EGR3: variants seen among roughly 807,000 people sequenced by gnomAD.
EGR3 encodes the protein early growth response protein 3.
EGR3 carries 4 observed loss-of-function variants against 22.4 expected under a neutral mutation model. That is an observed-to-expected ratio of 0.18 (90% CI 0.09 to 0.41). The LOEUF is 0.41. EGR3 is among the 10% of genes least tolerant of loss of function. EGR3 has a pLI of 1.00. For synonymous variants in EGR3, 219 were observed against 226.8 expected (o/e 0.97, Z 0.31); for missense variants, 315 against 541.3 (o/e 0.58, Z 4.15).
In EGR3 at chr8:22,689,202, C is replaced by G. The variant is rs998667489; in HGVS notation, c.*1271G>C. 2.0e-5 allele frequency: 3 copies of G among 152,502 alleles called. No homozygotes were observed. The highest frequency in any genetic ancestry group is 7.2e-5 in the African/African-American group (3 of 41,428). 9.4% of individuals were successfully genotyped at this position (152,502 alleles called of 1,614,324 possible). A position where few individuals can be genotyped will look rare whatever the true frequency, so the allele number is the denominator to read the frequency against. On this transcript the variant is annotated 3_prime_UTR_variant, in exon 2 of 2. Transcript: ENST00000317216. ...ATTCCGGTGCACTGCACTGGATAAC[C>G]AAGTACCTTAGAGATTTTATTTTGC...
chr8:22,691,760 G>A, intron 1 of EGR3: 1 of 985,374 alleles, frequency 1.0e-6, no homozygotes, highest in South Asian at 4.7e-5. Context: ...ACACGCGCGC[G>A]CGCGCGAGAA....
chr8:22,692,054 T>G lies in EGR3; in HGVS notation c.155-572A>C. ...TTCACCTACCCCGGCCCCAGCCTCC[T>G]CGGGCATGAAGGAGCTTTAGGCTCT... On this transcript the variant is annotated intron_variant, in intron 1 of 1. Coordinates refer to ENST00000317216, the MANE Select transcript of EGR3 (RefSeq NM_004430.3). This position sits in a 1 kb window ranked among gnomAD's most constrained non-coding sequence, Gnocchi z 6.2. 2.3e-6 allele frequency: 3 copies of G among 1,316,964 alleles called. No homozygotes were observed. Among genetic ancestry groups the G allele is most frequent in the South Asian group, 2.1e-5 (1 of 47,576 alleles). 81.6% of individuals were successfully genotyped at this position (1,316,964 alleles called of 1,614,324 possible).
At position 22,690,382 on chromosome 8, in the gene EGR3, C is replaced by G; in HGVS notation, c.*91G>C. The G allele has an allele frequency of 8.9e-7, 1 of 1,128,156 alleles. No individual in the cohort carries two copies. Among genetic ancestry groups the G allele is most frequent in the Non-Finnish European group, 1.2e-6 (1 of 804,968 alleles). The allele number at this position is 1,128,156 out of a possible 1,614,324, so 69.9% of individuals were successfully genotyped here. A position where few individuals can be genotyped will look rare whatever the true frequency, so the allele number is the denominator to read the frequency against. ...TCCATGGAGAGGCCAGGGCGCGGCC[C>G]CTACGCCTCCGTGGCTGGCTTTCCC... On this transcript the variant is annotated 3_prime_UTR_variant, in exon 2 of 2. Coordinates refer to ENST00000317216, the MANE Select transcript of EGR3 (RefSeq NM_004430.3).
At position 22,692,676 on chromosome 8, in the gene EGR3, CCCATCCATCCATCCATCCAT is replaced by C. The variant is rs770711526; in HGVS notation, c.154+95_154+114del. On this transcript the variant is annotated intron_variant, in intron 1 of 1. Coordinates refer to ENST00000317216, the MANE Select transcript of EGR3 (RefSeq NM_004430.3). The surrounding 1 kb of genome is among the most constrained non-coding windows in gnomAD (Gnocchi z 6.2). The stretch of plus-strand genomic sequence containing the variant: ...ATCCATTTATCTATCCACCCATCCA[CCCATCCATCCATCCATCCAT>C]CCATCCATCCATCCATCCATCACCA... 3.7e-5 allele frequency: 51 copies of C among 1,373,378 alleles called. No homozygotes were observed. Among genetic ancestry groups the C allele is most frequent in the South Asian group, 5.4e-5 (4 of 74,112 alleles). 85.1% of individuals were successfully genotyped at this position (1,373,378 alleles called of 1,614,324 possible). A position where few individuals can be genotyped will look rare whatever the true frequency, so the allele number is the denominator to read the frequency against.
chr8:22,692,689 C>A lies in EGR3; in HGVS notation c.154+102G>T, dbSNP rs1453909367. 2.1e-6 allele frequency: 3 copies of A among 1,457,540 alleles called. No individual in the cohort carries two copies. Among genetic ancestry groups the A allele is most frequent in the African/African-American group, 1.4e-5 (1 of 71,776 alleles). 90.3% of individuals were successfully genotyped at this position (1,457,540 alleles called of 1,614,324 possible). A position where few individuals can be genotyped will look rare whatever the true frequency, so the allele number is the denominator to read the frequency against. ...TCCACCCATCCACCCATCCATCCATCCATCCATCCATCCATCCATCCATCC... is the reference window on the plus strand; with the variant it reads ...TCCACCCATCCACCCATCCATCCATACATCCATCCATCCATCCATCCATCC... On this transcript the variant is annotated intron_variant, in intron 1 of 1. Coordinates refer to ENST00000317216, the MANE Select transcript of EGR3 (RefSeq NM_004430.3). This position sits in a 1 kb window ranked among gnomAD's most constrained non-coding sequence, Gnocchi z 6.2.
Position 22,692,586 on chromosome 8 carries a change from C to A in EGR3, c.154+205G>T. On this transcript the variant is annotated intron_variant, in intron 1 of 1. Coordinates refer to ENST00000317216, the MANE Select transcript of EGR3 (RefSeq NM_004430.3). This position sits in a 1 kb window ranked among gnomAD's most constrained non-coding sequence, Gnocchi z 6.2. ...ACCTAGCCTTCTCGATCGAGGAGGG[C>A]GGGAGGAGTGGGTGGGAAAAGCAAC... The A allele has an allele frequency of 9.6e-7, 1 of 1,042,362 alleles. No individual in the cohort carries two copies. The highest frequency in any genetic ancestry group is 1.3e-6 in the Non-Finnish European group (1 of 786,098). The allele number at this position is 1,042,362 out of a possible 1,614,324, so 64.6% of individuals were successfully genotyped here. A position where few individuals can be genotyped will look rare whatever the true frequency, so the allele number is the denominator to read the frequency against.
rs1391358555 is a variant in EGR3, at chr8:22,690,819, C to A, written c.818G>T (p.Arg273Leu). The A allele has an allele frequency of 6.2e-7, 1 of 1,611,452 alleles. No individual in the cohort carries two copies. Among genetic ancestry groups the A allele is most frequent in the Non-Finnish European group, 8.5e-7 (1 of 1,178,116 alleles). ...NRPSKTPLHE[R>L]PHACPAEGCD... Reference sequence around the variant, plus strand: ...GCCCTCGGCCGGGCACGCGTGGGGCCGTTCGTGGAGCGGTGTCTTGCTAGG... The same window carrying A: ...GCCCTCGGCCGGGCACGCGTGGGGCAGTTCGTGGAGCGGTGTCTTGCTAGG... The change falls in exon 2 of 2, where the codon CGG (arginine) becomes CTG (leucine). Residue 273 changes from arginine to leucine, a missense_variant. Arg to Leu is a moderately radical substitution (Grantham distance 102). Coordinates refer to ENST00000317216, the MANE Select transcript of EGR3 (RefSeq NM_004430.3).
At position 22,692,175 on chromosome 8, in the gene EGR3, G is replaced by A; in HGVS notation, c.154+616C>T. ...TGGCGGGAGAGGCCGCCCTTCCCCA[G>A]CTCCCCGGCCCCGGGATCGTTCCCC... On this transcript the variant is annotated intron_variant, in intron 1 of 1. Transcript: ENST00000317216. The surrounding 1 kb of genome is among the most constrained non-coding windows in gnomAD (Gnocchi z 6.2). 1 of 1,378,986 alleles carries A rather than the reference G, an allele frequency of 7.3e-7. No individual in the cohort carries two copies. The highest frequency in any genetic ancestry group is 9.3e-7 in the Non-Finnish European group (1 of 1,070,798). The allele number at this position is 1,378,986 out of a possible 1,614,324, so 85.4% of individuals were successfully genotyped here.
chr8:22,691,235 C>G lies in EGR3; in HGVS notation c.402G>C (p.Gln134His). 1 of 1,614,012 alleles carries G rather than the reference C, an allele frequency of 6.2e-7. No individual in the cohort carries two copies. The highest frequency in any genetic ancestry group is 8.5e-7 in the Non-Finnish European group (1 of 1,180,014). The change falls in exon 2 of 2, where the codon CAG becomes CAC. Residue 134 changes from glutamine to histidine, a missense_variant. By Grantham distance (24) the Gln-to-His change is conservative (BLOSUM62 0). Coordinates refer to ENST00000317216, the MANE Select transcript of EGR3 (RefSeq NM_004430.3). ...TSTASMVQPP[Q>H]GDVEAMYPAL... ...CGGGATACATGGCCTCCACGTCACC[C>G]TGCGGTGGCTGCACCATGCTGGCCG...
Position 22,690,352 on chromosome 8 carries a change from G to A in EGR3, c.*121C>T. The A allele has an allele frequency of 3.8e-6, 3 of 797,146 alleles. No individual in the cohort carries two copies. Among genetic ancestry groups the A allele is most frequent in the Non-Finnish European group, 5.8e-6 (3 of 516,944 alleles). The allele number at this position is 797,146 out of a possible 1,614,324, so 49.4% of individuals were successfully genotyped here. Reference sequence around the variant, plus strand: ...GGCATCGAAGGGGAAGCAAGGGGCCGCACGTCCATGGAGAGGCCAGGGCGC... The same window carrying A: ...GGCATCGAAGGGGAAGCAAGGGGCCACACGTCCATGGAGAGGCCAGGGCGC... On this transcript the variant is annotated 3_prime_UTR_variant, in exon 2 of 2. Coordinates refer to ENST00000317216, the MANE Select transcript of EGR3 (RefSeq NM_004430.3).
At position 22,690,494 on chromosome 8, in the gene EGR3, G is replaced by C; in HGVS notation, c.1143C>G (p.Pro381=). 1 of 1,606,910 alleles carries C rather than the reference G, an allele frequency of 6.2e-7. No homozygotes were observed. The highest frequency in any genetic ancestry group is 8.5e-7 in the Non-Finnish European group (1 of 1,175,902). Residue 381 remains proline (P), a synonymous_variant, in exon 2 of 2, where the codon CCC becomes CCG. Transcript: ENST00000317216. Reference sequence around the variant, plus strand: ...ATCCTCAGGCGCAGGTGGTGACCACGGGGGCCAGCGACACGGGGGGCGCCG... The same window carrying C: ...ATCCTCAGGCGCAGGTGGTGACCACCGGGGCCAGCGACACGGGGGGCGCCG... The part of the protein sequence containing the change: ...ASSAPPVSLA[P]VVTTCA
Position 22,689,931 on chromosome 8 carries a change from A to G in EGR3, c.*542T>C, listed in dbSNP as rs959676781. On this transcript the variant is annotated 3_prime_UTR_variant, in exon 2 of 2. Transcript: ENST00000317216. The stretch of plus-strand genomic sequence containing the variant: ...CGCTTGCGCGCGCGCACACACACAC[A>G]CTCACACACACACATACACACACAC... 2.8e-4 allele frequency: 43 copies of G among 155,330 alleles called. No homozygotes were observed. Among genetic ancestry groups the G allele is most frequent in the Non-Finnish European group, 4.8e-4 (34 of 70,126 alleles). 9.6% of individuals were successfully genotyped at this position (155,330 alleles called of 1,614,324 possible). A position where few individuals can be genotyped will look rare whatever the true frequency, so the allele number is the denominator to read the frequency against.
rs1395297830 is a variant in EGR3, at chr8:22,692,662, T to TATCCACCC, written c.154+121_154+128dup. ...GCCCCCATCTCTCCATCCATTTATC[T>TATCCACCC]ATCCACCCATCCACCCATCCATCCA... is the stretch of plus-strand genomic sequence containing the variant. On this transcript the variant is annotated intron_variant, in intron 1 of 1. Coordinates refer to ENST00000317216, the MANE Select transcript of EGR3 (RefSeq NM_004430.3). This position sits in a 1 kb window ranked among gnomAD's most constrained non-coding sequence, Gnocchi z 6.2. The TATCCACCC allele has an allele frequency of 4.2e-6, 6 of 1,439,652 alleles. No homozygotes were observed. In the South Asian group the frequency reaches 5.5e-5, roughly 13 times the overall value. The allele number at this position is 1,439,652 out of a possible 1,614,324, so 89.2% of individuals were successfully genotyped here. A position where few individuals can be genotyped will look rare whatever the true frequency, so the allele number is the denominator to read the frequency against.
rs1424415978 is a variant in EGR3, at chr8:22,692,200, C to T, written c.154+591G>A. On this transcript the variant is annotated intron_variant, in intron 1 of 1. Transcript: ENST00000317216. The surrounding 1 kb of genome is among the most constrained non-coding windows in gnomAD (Gnocchi z 6.2). ...GCTCCCCGGCCCCGGGATCGTTCCC[C>T]GTGGCAGGCCCTCGCCCCGCGGGTG... is the stretch of plus-strand genomic sequence containing the variant. The T allele has an allele frequency of 4.3e-6, 6 of 1,401,864 alleles. No homozygotes were observed. Among genetic ancestry groups the T allele is most frequent in the East Asian group, 2.9e-5 (1 of 34,148 alleles). 86.8% of individuals were successfully genotyped at this position (1,401,864 alleles called of 1,614,324 possible).
At chr8:22,691,758 G>C (rs1049261081) in intron 1 of EGR3, 2 of 985,288 alleles carry the variant, frequency 2.0e-6, no homozygotes, top group African/African-American at 3.5e-5. Context: ...ACACACGCGC[G>C]CGCGCGCGAG....
chr8:22,692,388 A>G lies in EGR3; in HGVS notation c.154+403T>C. 1 of 1,449,122 alleles carries G rather than the reference A, an allele frequency of 6.9e-7. No homozygotes were observed. 89.8% of individuals were successfully genotyped at this position (1,449,122 alleles called of 1,614,324 possible). A position where few individuals can be genotyped will look rare whatever the true frequency, so the allele number is the denominator to read the frequency against. ...GTAAGGGGGGAGAGCGCGGGTGAAA[A>G]AGACGCCGGGCTCCTCCCGGGAAGA... On this transcript the variant is annotated intron_variant, in intron 1 of 1. Transcript: ENST00000317216. The surrounding 1 kb of genome is among the most constrained non-coding windows in gnomAD (Gnocchi z 6.2).
chr8:22,690,333 G>A lies in EGR3; in HGVS notation c.*140C>T. The stretch of plus-strand genomic sequence containing the variant: ...TGAAAGGTTGGGAACCGGGGGCATC[G>A]AAGGGGAAGCAAGGGGCCGCACGTC... On this transcript the variant is annotated 3_prime_UTR_variant, in exon 2 of 2. Coordinates refer to ENST00000317216, the MANE Select transcript of EGR3 (RefSeq NM_004430.3). 1.4e-6 allele frequency: 1 copy of A among 716,800 alleles called. No individual in the cohort carries two copies. The highest frequency in any genetic ancestry group is 2.2e-6 in the Non-Finnish European group (1 of 444,826). 44.4% of individuals were successfully genotyped at this position (716,800 alleles called of 1,614,324 possible). A position where few individuals can be genotyped will look rare whatever the true frequency, so the allele number is the denominator to read the frequency against.
In EGR3 at chr8:22,692,676, CCCATCCATCCATCCAT is replaced by C. The variant is rs770711526; in HGVS notation, c.154+99_154+114del. 25 of 1,373,384 alleles carry C rather than the reference CCCATCCATCCATCCAT, an allele frequency of 1.8e-5. No individual in the cohort carries two copies. Among genetic ancestry groups the C allele is most frequent in the Admixed American group, 1.2e-4 (6 of 48,398 alleles). 85.1% of individuals were successfully genotyped at this position (1,373,384 alleles called of 1,614,324 possible). On this transcript the variant is annotated intron_variant, in intron 1 of 1. Coordinates refer to ENST00000317216, the MANE Select transcript of EGR3 (RefSeq NM_004430.3). This position sits in a 1 kb window ranked among gnomAD's most constrained non-coding sequence, Gnocchi z 6.2. ...ATCCATTTATCTATCCACCCATCCA[CCCATCCATCCATCCAT>C]CCATCCATCCATCCATCCATCCATC...
Position 22,692,434 on chromosome 8 carries a change from G to A in EGR3, c.154+357C>T, listed in dbSNP as rs1057466967. On this transcript the variant is annotated intron_variant, in intron 1 of 1. Transcript: ENST00000317216. This position sits in a 1 kb window ranked among gnomAD's most constrained non-coding sequence, Gnocchi z 6.2. ...GAAGAGGGCGACAGCACCACGCCTT[G>A]CGCGTAGCCCGGCGATCGGGCCCCC... The A allele has an allele frequency of 2.6e-5, 37 of 1,425,382 alleles. No homozygotes were observed. The highest frequency in any genetic ancestry group is 3.2e-5 in the Non-Finnish European group (35 of 1,094,638). 88.3% of individuals were successfully genotyped at this position (1,425,382 alleles called of 1,614,324 possible).
Sources: gnomAD v4.1 joint callset for allele counts on GRCh38, gnomAD v4.1.1 for gene constraint, Gnocchi (gnomAD v3.1) non-coding constraint, MANE v1.5 for transcripts, NCBI Gene and HGNC (gene_info 2026-07-23, HGNC 2026-07-21) for gene names.